The following UBE2E2 variants were observed in gnomAD, a reference collection of about 807,000 sequenced individuals.
UBE2E2 encodes the protein ubiquitin-conjugating enzyme E2 E2.
In UBE2E2, 6 loss-of-function variants were observed where a neutral mutation model predicts 24.7. That is an observed-to-expected ratio of 0.24 (90% CI 0.13 to 0.48). The LOEUF (loss-of-function observed/expected upper bound fraction) is 0.48. UBE2E2 is among the 20% of genes least tolerant of loss of function. The pLI is 0.99. For synonymous variants in UBE2E2, 104 were observed against 83.6 expected (o/e 1.24, Z -1.33); for missense variants, 169 against 245.0 (o/e 0.69, Z 2.07).
chr3:23,345,584 T>G (rs905653036), intron 3 of UBE2E2, among the ~76,000 whole-genome samples: 1 of 152,172 alleles, frequency 6.6e-6, no homozygotes, highest in African/African-American at 2.4e-5. Flanking sequence ...ATTGACAAAT[T>G]ACTCACAAAA....
At chr3:23,263,557 C>G (rs1345742476) in intron 3 of UBE2E2, among the ~76,000 whole-genome samples, 1 of 152,110 alleles carries the variant, frequency 6.6e-6, no homozygotes, top group Non-Finnish European at 1.5e-5. Context: ...GTGGAAGATG[C>G]TCATCTTTTA....
chr3:23,217,622 T>C (rs2125322445), intron 3 of UBE2E2, among the ~76,000 whole-genome samples: 1 of 152,170 alleles, frequency 6.6e-6, no homozygotes, highest in Non-Finnish European at 1.5e-5. Flanking sequence ...GGGCCTTAAG[T>C]GGTTTTTTTA....
At chr3:23,423,994 G>A (rs930332896) in intron 3 of UBE2E2, among the ~76,000 whole-genome samples, 2 of 152,124 alleles carry the variant, frequency 1.3e-5, no homozygotes, top group Non-Finnish European at 2.9e-5. Flanking sequence ...GACCTCTTGA[G>A]TAATGAAAGG....
chr3:23,417,353 T>C (rs1044896959), intron 3 of UBE2E2, among the ~76,000 whole-genome samples: 1 of 152,236 alleles, frequency 6.6e-6, no homozygotes, highest in Non-Finnish European at 1.5e-5. Context: ...CTCCAGACCC[T>C]GTTTGCCTGG....
chr3:23,237,334 A>G (rs974326657), intron 3 of UBE2E2, among the ~76,000 whole-genome samples: 2 of 152,220 alleles, frequency 1.3e-5, no homozygotes. Context: ...TAATAGACAA[A>G]TATTTTTATG....
At chr3:23,203,273 G>T, upstream of UBE2E2, 1 of 986,598 alleles carries the variant, frequency 1.0e-6, no homozygotes, top group Non-Finnish European at 1.2e-6. Flanking sequence ...GTGAGTCCGG[G>T]CGGGCGCGAG....
intron 3 of UBE2E2, among the ~76,000 whole-genome samples, chr3:23,369,874 C>T (rs1245543116): frequency 2.6e-5 from 4 of 152,090 alleles, no homozygotes; most frequent in Admixed American, 6.5e-5. Context: ...TTATATGTAT[C>T]TCTAAACCTA....
intron 3 of UBE2E2, among the ~76,000 whole-genome samples, chr3:23,316,402 G>A (rs1293614753): frequency 6.6e-6 from 1 of 151,666 alleles, no homozygotes; most frequent in Non-Finnish European, 1.5e-5. Flanking sequence ...GTCACCACAG[G>A]CCCACAGGGA....
chr3:23,271,272 CAGATGTT>C (rs1698233971), intron 3 of UBE2E2: 1 of 308,574 alleles, frequency 3.2e-6, no homozygotes, highest in Non-Finnish European at 6.3e-6. Flanking sequence ...TTTGTTCCTT[CAGATGTT>C]CAGATGTTTC....
rs1012760867 is a variant in UBE2E2 at position 23,353,862 on chromosome 3, T to G, written c.227+136550T>G. On this transcript the variant is annotated intron_variant, in intron 3 of 5. Transcript: ENST00000396703. Reference sequence around the variant, plus strand: ...ATCCCCATCAAGCTACCAATGAGTTTCTTCACAGAATTGGAAAACACTACT... The same window carrying G: ...ATCCCCATCAAGCTACCAATGAGTTGCTTCACAGAATTGGAAAACACTACT... 2.0e-5 allele frequency among the ~76,000 whole-genome samples: 3 copies of G among 152,318 alleles called. No homozygotes were observed. The South Asian group carries it at 6.2e-4, about 32-fold the overall frequency.
intron 1 of UBE2E2, 104 bp downstream of exon 1, chr3:23,203,568 C>T: frequency 1.4e-6 from 1 of 704,522 alleles, no homozygotes; most frequent in Non-Finnish European, 1.7e-6. Context: ...CAGGTCTCTG[C>T]TTACACCGCT....
intron 4 of UBE2E2, among the ~76,000 whole-genome samples, chr3:23,530,909 T>G (rs991502633): frequency 2.6e-5 from 4 of 152,194 alleles, no homozygotes; most frequent in African/African-American, 9.6e-5. Flanking sequence ...CTCAGCTTGT[T>G]GCGCTTACTA....
chr3:23,561,703 A>G (rs1695933257), intron 5 of UBE2E2, among the ~76,000 whole-genome samples: 1 of 152,032 alleles, frequency 6.6e-6, no homozygotes, highest in Non-Finnish European at 1.5e-5. Flanking sequence ...CCTACCCATG[A>G]GCATGGAATG....
chr3:23,331,166 T>G (rs1032216402), intron 3 of UBE2E2, among the ~76,000 whole-genome samples: 1 of 152,198 alleles, frequency 6.6e-6, no homozygotes, highest in African/African-American at 2.4e-5. Context: ...AATACATGTT[T>G]GGGTAAGTGG....
chr3:23,322,377 T>C (rs1269446004), intron 3 of UBE2E2, among the ~76,000 whole-genome samples: 1 of 152,190 alleles, frequency 6.6e-6, no homozygotes, highest in Non-Finnish European at 1.5e-5. Flanking sequence ...CTAAGCTGAG[T>C]TCAAGATGTC....
At chr3:23,573,920 G>A (rs138234840) in intron 5 of UBE2E2, among the ~76,000 whole-genome samples, 1 of 152,066 alleles carries the variant, frequency 6.6e-6, no homozygotes, top group Non-Finnish European at 1.5e-5. Context: ...CTTAGCTGAT[G>A]ATGACACACT....
At chr3:23,230,919 T>A (rs1291787269) in intron 3 of UBE2E2, among the ~76,000 whole-genome samples, 1 of 151,898 alleles carries the variant, frequency 6.6e-6, no homozygotes, top group African/African-American at 2.4e-5. Flanking sequence ...TTTTGGGGAG[T>A]AGAACTAGCG....
chr3:23,337,222 A>G (rs1298306753), intron 3 of UBE2E2, among the ~76,000 whole-genome samples: 2 of 152,210 alleles, frequency 1.3e-5, no homozygotes, highest in African/African-American at 4.8e-5. Flanking sequence ...TGCAGCAGAA[A>G]GGATCCAGAA....
At chr3:23,509,025 G>T (rs1694523831) in intron 4 of UBE2E2, among the ~76,000 whole-genome samples, 1 of 152,110 alleles carries the variant, frequency 6.6e-6, no homozygotes, top group African/African-American at 2.4e-5. Context: ...AGAAGGGTAG[G>T]GTAACTCCTC....
Sources: gnomAD v4.1 joint callset for allele counts (sites outside exome capture counted in the v4.1 genomes callset) on GRCh38, gnomAD v4.1.1 for gene constraint, MANE v1.5 for transcripts, NCBI Gene and HGNC (gene_info 2026-07-23, HGNC 2026-07-21) for gene names.